The following GNA14 variants were observed in gnomAD, a reference collection of about 807,000 sequenced individuals.
GNA14 encodes guanine nucleotide-binding protein subunit alpha-14.
GNA14 carries 50 observed loss-of-function variants against 42.0 expected under a neutral mutation model. The ratio of observed to expected loss-of-function variants is 1.19; its 90% confidence interval spans 0.95 to 1.51. The LOEUF (loss-of-function observed/expected upper bound fraction) is 1.51, where lower values mean the gene tolerates loss of function less well. Among genes scored for constraint, GNA14 ranks in the 40% most tolerant of loss-of-function variants. The pLI is 0.00. For missense variants in GNA14, 473 were observed against 446.2 expected, an observed-to-expected ratio of 1.06 and a Z score of -0.54; for synonymous variants, 173 against 163.1, an observed-to-expected ratio of 1.06 and a Z score of -0.46.
chr9:77,472,514 A>T (rs1836349311), intron 2 of GNA14, among the ~76,000 whole-genome samples: 5 of 152,236 alleles, frequency 3.3e-5, no homozygotes, highest in Admixed American at 3.3e-4. Context: ...GTGGTCCAGC[A>T]TATAGAAAAT....
intron 2 of GNA14, among the ~76,000 whole-genome samples, chr9:77,454,061 C>T (rs963843393): frequency 1.3e-5 from 2 of 152,222 alleles, no homozygotes; most frequent in Non-Finnish European, 2.9e-5. Context: ...TCGCCCGCTC[C>T]GTGCAGCATC....
At chr9:77,609,465 A>G (rs1823695118) in intron 1 of GNA14, among the ~76,000 whole-genome samples, 1 of 152,160 alleles carries the variant, frequency 6.6e-6, no homozygotes, top group Admixed American at 6.5e-5. Context: ...ACACACCTCA[A>G]AACTCTTCCA....
intron 5 of GNA14, among the ~76,000 whole-genome samples, chr9:77,426,273 T>G (rs1835451966): frequency 6.6e-6 from 1 of 150,576 alleles, no homozygotes; most frequent in African/African-American, 2.5e-5. Flanking sequence ...CAGTGGCCCG[T>G]TTGATGGGTG....
At chr9:77,564,981 G>A (rs924342093) in intron 1 of GNA14, among the ~76,000 whole-genome samples, 3 of 152,110 alleles carry the variant, frequency 2.0e-5, no homozygotes, top group Non-Finnish European at 4.4e-5. Context: ...ACACATCTAT[G>A]AAAATACAAA....
intron 2 of GNA14, 126 bp from the exon 3 acceptor site, chr9:77,434,648 G>T (rs904194108): frequency 1.3e-6 from 1 of 778,436 alleles, no homozygotes; most frequent in Non-Finnish European, 2.0e-6. Context: ...GGGCGTGGTG[G>T]GCACCCTCCC....
At chr9:77,642,013 A>G (rs1044952899) in intron 1 of GNA14, among the ~76,000 whole-genome samples, 1 of 152,196 alleles carries the variant, frequency 6.6e-6, no homozygotes, top group African/African-American at 2.4e-5. Flanking sequence ...AATCGGTTCC[A>G]AATAAAAAGT....
chr9:77,530,594 T>A (rs2131769339), intron 1 of GNA14, among the ~76,000 whole-genome samples: 1 of 152,322 alleles, frequency 6.6e-6, no homozygotes, highest in Non-Finnish European at 1.5e-5. Flanking sequence ...CTCTGCAAGC[T>A]CCCAGTCGGC....
intron 1 of GNA14, among the ~76,000 whole-genome samples, chr9:77,585,810 A>T (rs944028284): frequency 1.3e-5 from 2 of 152,152 alleles, no homozygotes; most frequent in African/African-American, 4.8e-5. Context: ...CCCCTGCTAC[A>T]TCTTCCTCAT....
At chr9:77,439,948 A>G (rs1034197005) in intron 2 of GNA14, among the ~76,000 whole-genome samples, 1 of 152,252 alleles carries the variant, frequency 6.6e-6, no homozygotes, top group Admixed American at 6.5e-5. Flanking sequence ...TAAAAGGCAG[A>G]TGGATAAAAT....
intron 2 of GNA14, among the ~76,000 whole-genome samples, chr9:77,480,543 C>T (rs1354326392): frequency 2.6e-5 from 4 of 152,148 alleles, no homozygotes; most frequent in Non-Finnish European, 4.4e-5. Flanking sequence ...GCTTTGGTAT[C>T]AGGATGATGC....
At chr9:77,640,871 C>CGG (rs1491383580) in intron 1 of GNA14, among the ~76,000 whole-genome samples, 2 of 27,372 alleles carry the variant, frequency 7.3e-5, no homozygotes, top group African/African-American at 2.4e-4. Context: ...ATAAAATGCT[C>CGG]AAAAAAAAAA....
chr9:77,646,365 G>C (rs1428647085), intron 1 of GNA14, among the ~76,000 whole-genome samples: 1 of 152,182 alleles, frequency 6.6e-6, no homozygotes, highest in African/African-American at 2.4e-5. Flanking sequence ...TTGGGAGGGA[G>C]GGGGCAGCAT....
intron 1 of GNA14, among the ~76,000 whole-genome samples, chr9:77,540,525 G>T (rs1029313538): frequency 6.6e-6 from 1 of 152,098 alleles, no homozygotes; most frequent in Non-Finnish European, 1.5e-5. Flanking sequence ...ATGTTTCTTT[G>T]TTGATTTTCT....
chr9:77,586,779 G>T (rs1489812145), intron 1 of GNA14, among the ~76,000 whole-genome samples: 6 of 152,264 alleles, frequency 3.9e-5, no homozygotes, highest in African/African-American at 7.2e-5. Flanking sequence ...ATGCAGATAG[G>T]TTCTCTACCT....
At chr9:77,482,879 T>C (rs7035008) in intron 2 of GNA14, among the ~76,000 whole-genome samples, 1,561 of 152,358 alleles carry the variant, frequency 0.01, 15 homozygotes, top group African/African-American at 0.035. Context: ...CTTCACGTCG[T>C]TCTTGAGCCT....
intron 1 of GNA14, among the ~76,000 whole-genome samples, chr9:77,564,834 TA>T (rs11396564): frequency 2.3e-4 from 34 of 147,318 alleles, no homozygotes; most frequent in African/African-American, 2.2e-4. Context: ...ATCTGTCTAT[TA>T]AAAAAAAAAA....
intron 2 of GNA14, among the ~76,000 whole-genome samples, chr9:77,479,271 A>T (rs528952085): frequency 2.0e-5 from 3 of 152,354 alleles, no homozygotes; most frequent in Admixed American, 2.0e-4. Context: ...ACCATTTGTT[A>T]AACAGGAAAT....
At chr9:77,482,088 C>A (rs975558668) in intron 2 of GNA14, among the ~76,000 whole-genome samples, 10 of 152,164 alleles carry the variant, frequency 6.6e-5, no homozygotes, top group Non-Finnish European at 1.3e-4. Context: ...TTGGTCCTGT[C>A]ATTATGATGT....
intron 1 of GNA14, among the ~76,000 whole-genome samples, chr9:77,585,211 C>T (rs1823284840): frequency 6.6e-6 from 1 of 152,104 alleles, no homozygotes; most frequent in Non-Finnish European, 1.5e-5. Flanking sequence ...GAATATGCCA[C>T]CCCAAAATAT....
Sources: gnomAD v4.1 joint callset for allele counts (sites outside exome capture counted in the v4.1 genomes callset) on GRCh38, gnomAD v4.1.1 for gene constraint, MANE v1.5 for transcripts, NCBI Gene and HGNC (gene_info 2026-07-23, HGNC 2026-07-21) for gene names.